TTLL11: variants seen among roughly 807,000 people sequenced by gnomAD.
TTLL11 encodes the protein tubulin tyrosine ligase like 11.
Under a neutral mutation model 51.7 loss-of-function variants are expected in TTLL11, and 42 were observed. The ratio of observed to expected loss-of-function variants is 0.81; its 90% confidence interval spans 0.64 to 1.05. TTLL11 has a LOEUF of 1.05. Among genes scored for constraint, TTLL11 ranks in the 50% least tolerant of loss-of-function variants. TTLL11 has a pLI of 0.00. For missense variants in TTLL11, 799 were observed against 940.4 expected (o/e 0.85, Z 1.97); for synonymous variants, 381 against 383.5 (o/e 0.99, Z 0.08).
rs375201152 is a variant in TTLL11, at chr9:121,989,658, C to T, written c.806G>A (p.Arg269His). 7.7e-5 allele frequency: 124 copies of T among 1,614,096 alleles called. 1 individual carries two copies. In the African/African-American group the frequency reaches 1.0e-3, roughly 14 times the overall value. The change falls in exon 4 of 9, where the codon CGC becomes CAC. Residue 269 changes from arginine to histidine, a missense_variant. By Grantham distance (29) the Arg-to-His change is conservative (BLOSUM62 0). Transcript: ENST00000321582. This position sits in a 1 kb window ranked among gnomAD's most constrained non-coding sequence, Gnocchi z 4.2. ...CCTGCTCTGGAGGGTCCCTGCCAGG[C>T]GGATGTCACTGGGGTCTTTAATGAG... Reference protein sequence around the residue: ...IYLIKDPSDIRLAGTLQSRPA... With the variant: ...IYLIKDPSDIHLAGTLQSRPA...
At chr9:121,946,567 C>A (rs1483696245) in intron 6 of TTLL11, among the ~76,000 whole-genome samples, 2 of 152,152 alleles carry the variant, frequency 1.3e-5, no homozygotes, top group African/African-American at 4.8e-5. Flanking sequence ...TACCAGGTTA[C>A]CACACAGTAC....
intron 3 of TTLL11, among the ~76,000 whole-genome samples, chr9:121,990,434 A>T (rs938116225): frequency 1.3e-5 from 2 of 152,228 alleles, no homozygotes; most frequent in East Asian, 3.8e-4. Context: ...ATAAAAGACA[A>T]TCCAAAGCCT....
chr9:121,906,789 A>G (rs778703899), intron 6 of TTLL11, among the ~76,000 whole-genome samples: 7 of 152,180 alleles, frequency 4.6e-5, no homozygotes, highest in African/African-American at 9.7e-5. Flanking sequence ...TACATTGACT[A>G]TTTCATAGAT....
chr9:121,968,228 T>C (rs887198109), intron 6 of TTLL11, among the ~76,000 whole-genome samples: 1 of 152,224 alleles, frequency 6.6e-6, no homozygotes, highest in African/African-American at 2.4e-5. Context: ...GGAACCTTGG[T>C]AAGAAAATCA....
rs150864767 is a variant in TTLL11, at chr9:121,922,024, C to T, written c.1482-51276G>A. 6.4e-3 allele frequency among the ~76,000 whole-genome samples: 974 copies of T among 152,310 alleles called. 3 individuals carry two copies. The highest frequency in any genetic ancestry group is 0.011 in the Non-Finnish European group (757 of 68,020). ...TAACATCTTCAAGGAGCTTAGCACA[C>T]AACCTGGCGACTGGTCAGCACTTTC... On this transcript the variant is annotated intron_variant, in intron 6 of 8. Transcript: ENST00000321582.
At chr9:121,851,881 G>A (rs1014392982) in intron 8 of TTLL11, among the ~76,000 whole-genome samples, 14 of 152,204 alleles carry the variant, frequency 9.2e-5, no homozygotes, top group Admixed American at 7.2e-4. Flanking sequence ...TGGACATGCT[G>A]TTGTTGTTAA....
Position 121,822,690 on chromosome 9 carries a change from G to C in TTLL11, c.2030C>G (p.Pro677Arg), listed in dbSNP as rs1446657767. ...GGCCGAGGGGGAGGGCTCCTGGGGA[G>C]GGCCACGGTGTGGGGGCCGGCCCCC... is the stretch of plus-strand genomic sequence containing the variant. ...PSGGRPPHRG[P>R]PQEPSPSAQP... Residue 677 changes from proline to arginine, a missense_variant, in exon 9 of 9, where the codon CCT becomes CGT. Around this residue, in one of 3 missense-constraint regions of TTLL11, gnomAD observed 165 missense variants for 166.1 expected, o/e 0.99. Transcript: ENST00000321582. The surrounding 1 kb of genome is among the most constrained non-coding windows in gnomAD (Gnocchi z 5.8). The C allele has an allele frequency of 6.5e-7, 1 of 1,548,648 alleles. No homozygotes were observed. Among genetic ancestry groups the C allele is most frequent in the East Asian group, 2.4e-5 (1 of 40,866 alleles).
At chr9:122,092,615 C>A in intron 1 of TTLL11, 72 bp downstream of exon 1, 1 of 1,526,942 alleles carries the variant, frequency 6.5e-7, no homozygotes, top group Non-Finnish European at 8.8e-7. Context: ...CTGACCTGGG[C>A]CGTGCCGAGA....
chr9:122,064,692 C>T (rs976190025), intron 1 of TTLL11, among the ~76,000 whole-genome samples: 3 of 152,128 alleles, frequency 2.0e-5, no homozygotes, highest in African/African-American at 7.2e-5. Context: ...CACAAGAACT[C>T]ATTACAAAAA....
chr9:121,884,703 C>T (rs780767310), intron 6 of TTLL11: 1 of 152,178 alleles, frequency 6.6e-6, no homozygotes, highest in African/African-American at 2.4e-5. Flanking sequence ...ATTCAAAAGG[C>T]CAGTTCAAAC....
rs566863787 is a variant in TTLL11 at position 121,831,305 on chromosome 9, G to A, written c.1841-8426C>T. On this transcript the variant is annotated intron_variant, in intron 8 of 8. Transcript: ENST00000321582. ...CAGAAACTGCATTTGTAACAGCAGC[G>A]TTGGGGCTTCTGCCCCAGTGAGTGA... Among the ~76,000 whole-genome samples, 6 of 152,328 alleles carry A rather than the reference G, an allele frequency of 3.9e-5. No individual in the cohort carries two copies. In the South Asian group the frequency reaches 8.3e-4, roughly 21 times the overall value.
intron 3 of TTLL11, among the ~76,000 whole-genome samples, chr9:122,013,168 C>T (rs1351702537): frequency 6.6e-6 from 1 of 152,206 alleles, no homozygotes; most frequent in Non-Finnish European, 1.5e-5. Context: ...CCGAGGGATA[C>T]ACTTAGGAAG....
intron 6 of TTLL11, among the ~76,000 whole-genome samples, chr9:121,904,663 C>A (rs1326571520): frequency 6.6e-6 from 1 of 152,252 alleles, no homozygotes; most frequent in African/African-American, 2.4e-5. Flanking sequence ...ACCCCATCCT[C>A]ATGGAGCCAG....
chr9:121,909,812 T>C (rs1840052368), intron 6 of TTLL11, among the ~76,000 whole-genome samples: 1 of 151,958 alleles, frequency 6.6e-6, no homozygotes, highest in Non-Finnish European at 1.5e-5. Context: ...CATGAGGCAA[T>C]GGTGTTGGGG....
intron 6 of TTLL11, among the ~76,000 whole-genome samples, chr9:121,963,434 A>T (rs1231721876): frequency 6.6e-6 from 1 of 152,244 alleles, no homozygotes; most frequent in Non-Finnish European, 1.5e-5. Flanking sequence ...TCACTGGTGC[A>T]ACTCCTAAGG....
At chr9:121,888,181 G>A (rs1839088679) in intron 6 of TTLL11, among the ~76,000 whole-genome samples, 1 of 152,208 alleles carries the variant, frequency 6.6e-6, no homozygotes, top group Non-Finnish European at 1.5e-5. Flanking sequence ...CCAAGGCCAA[G>A]TCTTTATAGC....
At chr9:122,030,029 G>A (rs908331040) in intron 3 of TTLL11, among the ~76,000 whole-genome samples, 1 of 152,014 alleles carries the variant, frequency 6.6e-6, no homozygotes, top group Non-Finnish European at 1.5e-5. Context: ...TACCATCTAG[G>A]CTTGTGTAAG....
chr9:121,831,242 C>T (rs1189074746), intron 8 of TTLL11, among the ~76,000 whole-genome samples: 1 of 152,210 alleles, frequency 6.6e-6, no homozygotes, highest in Non-Finnish European at 1.5e-5. Flanking sequence ...GTTCCTGTTC[C>T]CTCACCCTGG....
At chr9:122,047,098 T>C (rs960009232) in intron 1 of TTLL11, among the ~76,000 whole-genome samples, 2 of 152,154 alleles carry the variant, frequency 1.3e-5, no homozygotes, top group Non-Finnish European at 2.9e-5. Flanking sequence ...CAGGAAGACC[T>C]AGTCACATCT....
Sources: gnomAD v4.1 joint callset for allele counts (sites outside exome capture counted in the v4.1 genomes callset) on GRCh38, gnomAD v4.1.1 for gene constraint, gnomAD v4.1.1 regional missense constraint, Gnocchi (gnomAD v3.1) non-coding constraint, MANE v1.5 for transcripts, NCBI Gene and HGNC (gene_info 2026-07-23, HGNC 2026-07-21) for gene names.